Variants in THOC2 observed in about 807,000 individuals in gnomAD.
THOC2 encodes the protein THO complex 2.
THOC2 carries 10 observed loss-of-function variants against 128.4 expected under a neutral mutation model. That is an observed-to-expected ratio of 0.08 (90% CI 0.05 to 0.13). The LOEUF (loss-of-function observed/expected upper bound fraction) is 0.13, where lower values mean the gene tolerates loss of function less well. THOC2 is among the 10% of genes least tolerant of loss of function. THOC2 has a pLI of 1.00. For missense variants in THOC2, 535 were observed against 1,155.7 expected (o/e 0.46, Z 7.79); for synonymous variants, 393 against 396.9 (o/e 0.99, Z 0.12).
chrX:123,711,994 A>G (rs1417211628), intron 2 of THOC2, among the ~76,000 whole-genome samples: 1 of 101,880 alleles, frequency 9.8e-6, no homozygotes, highest in Admixed American at 1.1e-4. Flanking sequence ...TATATCCTCT[A>G]TTATGAAAGT....
Position 123,667,210 on chromosome X carries a change from C to G in THOC2, c.1086G>C (p.Gln362His). Reference protein sequence around the residue: ...LLKIGDWQHAQNIMDQMPPYY... With the variant: ...LLKIGDWQHAHNIMDQMPPYY... ...ATGGAGGCATCTGATCCATAATGTT[C>G]TGTGCATGTTGCCAATCACCAATCT... Residue 362 changes from glutamine to histidine, a missense_variant, in exon 11 of 39, where the codon CAG (glutamine) becomes CAC (histidine). Around this residue, in one of 9 missense-constraint regions of THOC2, gnomAD observed 197 missense variants for 313.4 expected, o/e 0.63. Transcript: ENST00000245838. 1 of 1,208,675 alleles carries G rather than the reference C, an allele frequency of 8.3e-7. No individual in the cohort carries two copies. Among genetic ancestry groups the G allele is most frequent in the Non-Finnish European group, 1.1e-6 (1 of 893,660 alleles).
At chrX:123,671,612 C>T in intron 9 of THOC2, 57 bp downstream of exon 9, 2 of 787,869 alleles carry the variant, frequency 2.5e-6, no homozygotes, top group East Asian at 6.8e-5. Context: ...CTACCTACTC[C>T]TCTTCCCTAC....
intron 12 of THOC2, among the ~76,000 whole-genome samples, chrX:123,662,791 T>C: frequency 9.0e-6 from 1 of 111,222 alleles, no homozygotes. Context: ...AACTTAAAAA[T>C]GTGCAAGAGA....
chrX:123,705,000 A>C (rs2064518979), intron 3 of THOC2, among the ~76,000 whole-genome samples: 1 of 112,408 alleles, frequency 8.9e-6, no homozygotes, highest in Non-Finnish European at 1.9e-5. Context: ...ATCATAGTTC[A>C]CTTACTGCAG....
intron 1 of THOC2, among the ~76,000 whole-genome samples, chrX:123,717,264 TAATA>T (rs1460521571): frequency 9.0e-6 from 1 of 110,726 alleles, no homozygotes; most frequent in Non-Finnish European, 1.9e-5. Context: ...AAAAAGGAAA[TAATA>T]AATAGGGTAA....
At chrX:123,692,291 CTA>C (rs1360146635) in intron 7 of THOC2, among the ~76,000 whole-genome samples, 3 of 111,147 alleles carry the variant, frequency 2.7e-5, no homozygotes, top group Non-Finnish European at 5.6e-5. Flanking sequence ...TGTATGGTGT[CTA>C]TGACTTGGCA....
chrX:123,667,959 GA>G (rs926879690), intron 10 of THOC2, among the ~76,000 whole-genome samples, 199 bp downstream of exon 10: 20 of 109,653 alleles, frequency 1.8e-4, no homozygotes, highest in African/African-American at 5.9e-4. Flanking sequence ...ATTTATACAA[GA>G]AAAAAAATAT....
chrX:123,693,079 C>T (rs1460171573), intron 7 of THOC2, among the ~76,000 whole-genome samples: 1 of 112,003 alleles, frequency 8.9e-6, no homozygotes, highest in Non-Finnish European at 1.9e-5. Flanking sequence ...GAAGTCTGCA[C>T]TAAGAGGGAC....
chrX:123,676,381 G>A lies in THOC2; in HGVS notation c.769-4620C>T, dbSNP rs1376225220. Among the ~76,000 whole-genome samples the A allele has an allele frequency of 4.5e-5, 5 of 112,014 alleles. No homozygotes were observed. In the Admixed American group the frequency reaches 4.7e-4, roughly 11 times the overall value. ...AGCATTAGCAACCTGCACCAGGAGTGTGGGCTTCTATCACCATGGCCACCA... is the reference window on the plus strand; with the variant it reads ...AGCATTAGCAACCTGCACCAGGAGTATGGGCTTCTATCACCATGGCCACCA... On this transcript the variant is annotated intron_variant, in intron 8 of 38. Coordinates refer to ENST00000245838, the MANE Select transcript of THOC2 (RefSeq NM_001081550.2).
At chrX:123,662,542 C>T (rs753491309) in intron 12 of THOC2, among the ~76,000 whole-genome samples, 5 of 99,219 alleles carry the variant, frequency 5.0e-5, no homozygotes, top group Non-Finnish European at 1.0e-4. Context: ...GAGCCGAGAT[C>T]GCGCCACTGG....
At chrX:123,668,637 C>T (rs761866593) in intron 9 of THOC2, among the ~76,000 whole-genome samples, 1 of 111,729 alleles carries the variant, frequency 9.0e-6, no homozygotes, top group South Asian at 3.7e-4. Context: ...ATAGCAGTTC[C>T]ATTAAAAACA....
intron 3 of THOC2, among the ~76,000 whole-genome samples, chrX:123,704,341 G>A (rs1386220229): frequency 9.0e-6 from 1 of 111,661 alleles, no homozygotes; most frequent in Non-Finnish European, 1.9e-5. Flanking sequence ...GCTAAAAGCT[G>A]GTTTGGGCAG....
intron 1 of THOC2, among the ~76,000 whole-genome samples, chrX:123,722,448 T>C (rs1221361887): frequency 9.0e-6 from 1 of 111,194 alleles, no homozygotes; most frequent in Non-Finnish European, 1.9e-5. Flanking sequence ...ACCATCATTC[T>C]CAGCAAACTA....
At chrX:123,609,891 C>A (rs1188124081) in intron 38 of THOC2, among the ~76,000 whole-genome samples, 2 of 109,708 alleles carry the variant, frequency 1.8e-5, no homozygotes, top group Non-Finnish European at 3.8e-5. Flanking sequence ...TAGCCGGGCG[C>A]GGTGGCAGGC....
chrX:123,655,473 T>G (rs939953758), intron 12 of THOC2, among the ~76,000 whole-genome samples: 1 of 112,148 alleles, frequency 8.9e-6, no homozygotes, highest in South Asian at 3.7e-4. Context: ...ATTTTTATTA[T>G]GAAAAATTTC....
At chrX:123,659,294 C>T (rs1016629413) in intron 12 of THOC2, among the ~76,000 whole-genome samples, 25 of 112,680 alleles carry the variant, frequency 2.2e-4, no homozygotes, top group South Asian at 1.1e-3. Flanking sequence ...AGTCCTTGGC[C>T]GGGCACAGTG....
intron 13 of THOC2, among the ~76,000 whole-genome samples, chrX:123,645,131 A>C (rs747374848): frequency 2.7e-5 from 3 of 112,284 alleles, no homozygotes; most frequent in Non-Finnish European, 3.8e-5. Context: ...AGGAACTTTT[A>C]TCTCTCTTCC....
At chrX:123,711,492 A>T (rs2051191220) in intron 2 of THOC2, among the ~76,000 whole-genome samples, 1 of 110,611 alleles carries the variant, frequency 9.0e-6, no homozygotes. Context: ...AAAATAAATT[A>T]AAAAAATAAG....
chrX:123,652,884 A>G (rs774095350), intron 12 of THOC2, among the ~76,000 whole-genome samples: 1 of 112,155 alleles, frequency 8.9e-6, no homozygotes, highest in South Asian at 3.7e-4. Context: ...TATCCCCATC[A>G]AGCTACCAGT....
Sources: gnomAD v4.1 joint callset for allele counts (sites outside exome capture counted in the v4.1 genomes callset) on GRCh38, gnomAD v4.1.1 for gene constraint, gnomAD v4.1.1 regional missense constraint, MANE v1.5 for transcripts, NCBI Gene and HGNC (gene_info 2026-07-23, HGNC 2026-07-21) for gene names.